The following AP1S3 variants were observed in gnomAD, a reference collection of about 807,000 sequenced individuals.
AP1S3 encodes the protein AP-1 complex subunit sigma-3.
In AP1S3, 10 loss-of-function variants were observed where a neutral mutation model predicts 20.9. The ratio of observed to expected loss-of-function variants is 0.48; its 90% CI spans 0.29 to 0.81. The LOEUF (loss-of-function observed/expected upper bound fraction) is 0.81, where lower values mean the gene tolerates loss of function less well. AP1S3 is among the 30% of genes least tolerant of loss of function. AP1S3 has a pLI of 0.08. For missense variants in AP1S3, 154 were observed against 183.8 expected, an observed-to-expected ratio of 0.84 and a Z score of 0.94; for synonymous variants, 41 against 61.5, an observed-to-expected ratio of 0.67 and a Z score of 1.56.
intron 1 of AP1S3, among the ~76,000 whole-genome samples, chr2:223,794,229 T>A (rs1462893741): frequency 1.3e-5 from 2 of 152,082 alleles, no homozygotes; most frequent in Non-Finnish European, 2.9e-5. Context: ...ATATTCTGGG[T>A]GGAGAATTGC....
chr2:223,810,449 C>T (rs978923400), intron 1 of AP1S3, among the ~76,000 whole-genome samples: 12 of 152,260 alleles, frequency 7.9e-5, no homozygotes, highest in African/African-American at 2.9e-4. Flanking sequence ...GCTGGGACTA[C>T]AGGCATGCGC....
intron 1 of AP1S3, among the ~76,000 whole-genome samples, chr2:223,783,306 C>T (rs11681960): frequency 0.034 from 5,162 of 152,152 alleles, 174 homozygotes; most frequent in East Asian, 0.16. Flanking sequence ...ACCAAGACCT[C>T]CATCCCCACC....
intron 1 of AP1S3, among the ~76,000 whole-genome samples, chr2:223,793,081 G>A (rs1691246332): frequency 6.6e-6 from 1 of 152,178 alleles, no homozygotes. Context: ...AACAGATGCT[G>A]ATGAGGTTGT....
At chr2:223,795,772 T>C (rs557119485) in intron 1 of AP1S3, among the ~76,000 whole-genome samples, 1 of 152,172 alleles carries the variant, frequency 6.6e-6, no homozygotes, top group South Asian at 2.1e-4. Context: ...AAAACAATGA[T>C]AAGGACCTCA....
At chr2:223,809,206 A>G (rs1691658095) in intron 1 of AP1S3, among the ~76,000 whole-genome samples, 1 of 152,120 alleles carries the variant, frequency 6.6e-6, no homozygotes, top group Non-Finnish European at 1.5e-5. Flanking sequence ...CATACTCAAC[A>G]TGCCCCCTCA....
At chr2:223,773,481 C>A in intron 3 of AP1S3, 1 of 971,694 alleles carries the variant, frequency 1.0e-6, no homozygotes, top group African/African-American at 1.7e-5. Flanking sequence ...TGAAAATAAA[C>A]TTGGTATACC....
At chr2:223,792,264 A>C (rs1691230071) in intron 1 of AP1S3, among the ~76,000 whole-genome samples, 1 of 152,164 alleles carries the variant, frequency 6.6e-6, no homozygotes, top group Admixed American at 6.5e-5. Context: ...TACTACTTTG[A>C]GGCTACTATA....
intron 1 of AP1S3, among the ~76,000 whole-genome samples, chr2:223,813,122 T>C (rs1014326705): frequency 3.9e-5 from 6 of 152,056 alleles, no homozygotes; most frequent in African/African-American, 1.4e-4. Context: ...AATTTTTGTA[T>C]TTTCAGTAGA....
In AP1S3 at chr2:223,795,066, A is replaced by G. The variant is rs1691303547; in HGVS notation, c.4-17197T>C. ...GGAGTTGGAGACCAGGCTGACCAAT[A>G]TGGAGAAACCCCATCTCTACTACAA... On this transcript the variant is annotated intron_variant, in intron 1 of 4. Coordinates refer to ENST00000396654, the MANE Select transcript of AP1S3 (RefSeq NM_001039569.2). Among the ~76,000 whole-genome samples, 2 of 152,126 alleles carry G rather than the reference A, an allele frequency of 1.3e-5. 1 individual carries two copies. Among genetic ancestry groups the G allele is most frequent in the African/African-American group, 4.8e-5 (2 of 41,430 alleles).
At chr2:223,815,428 T>C (rs1038445977) in intron 1 of AP1S3, among the ~76,000 whole-genome samples, 1 of 152,162 alleles carries the variant, frequency 6.6e-6, no homozygotes, top group East Asian at 1.9e-4. Flanking sequence ...CCCTAAGTAA[T>C]GATTCTTTAG....
At chr2:223,827,786 G>GGCTA (rs1670428393) in intron 1 of AP1S3, among the ~76,000 whole-genome samples, 1 of 151,906 alleles carries the variant, frequency 6.6e-6, no homozygotes, top group African/African-American at 2.4e-5. Flanking sequence ...AAATAGCCCT[G>GGCTA]GCTAGGCTGG....
At chr2:223,800,506 G>T (rs1691443206) in intron 1 of AP1S3, among the ~76,000 whole-genome samples, 1 of 151,196 alleles carries the variant, frequency 6.6e-6, no homozygotes, top group Non-Finnish European at 1.5e-5. Context: ...CTTCAGTCTG[G>T]TGACAGAGCA....
chr2:223,767,174 AG>A (rs2106080877), intron 3 of AP1S3, among the ~76,000 whole-genome samples: 1 of 152,114 alleles, frequency 6.6e-6, no homozygotes, highest in Non-Finnish European at 1.5e-5. Flanking sequence ...CAGAACTTAA[AG>A]TGTAATTTTA....
chr2:223,775,957 A>C lies in AP1S3; in HGVS notation c.235T>G (p.Leu79Val), dbSNP rs34353588. 811 of 1,614,210 alleles carry C rather than the reference A, an allele frequency of 5.0e-4. 2 individuals carry two copies. The African/African-American group carries it at 9.8e-3, about 20-fold the overall frequency. The change falls in exon 3 of 5, where the codon TTG becomes GTG. Residue 79 changes from leucine to valine, a missense_variant. Transcript: ENST00000396654. ...CAIENQDNELLTLEIVHRYVE... is the reference protein window; with the variant it reads ...CAIENQDNELVTLEIVHRYVE... ...TAACGATGCACAATCTCTAGCGTCA[A>C]GAGCTCATTGTCCTGATTTTCTATT...
chr2:223,780,302 TATATATAG>T (rs1427866358), intron 1 of AP1S3, among the ~76,000 whole-genome samples: 118 of 49,278 alleles, frequency 2.4e-3, no homozygotes, highest in Admixed American at 3.9e-3. Context: ...TATATATATA[TATATATAG>T]AGAGAGAGAG....
intron 1 of AP1S3, among the ~76,000 whole-genome samples, chr2:223,797,504 G>A (rs1691367492): frequency 6.6e-6 from 1 of 152,182 alleles, no homozygotes; most frequent in South Asian, 2.1e-4. Flanking sequence ...GCTCACGCCT[G>A]TAATCCCAGC....
chr2:223,758,219 T>G lies in AP1S3; in HGVS notation c.*496A>C. The stretch of plus-strand genomic sequence containing the variant: ...ATTGCAGTTACAGTACTATTAAGTG[T>G]ATGAAAAATGTCTAGCATTACATAT... On this transcript the variant is annotated 3_prime_UTR_variant, in exon 5 of 5. Coordinates refer to ENST00000396654, the MANE Select transcript of AP1S3 (RefSeq NM_001039569.2). 1 of 980,264 alleles carries G rather than the reference T, an allele frequency of 1.0e-6. No homozygotes were observed. Among genetic ancestry groups the G allele is most frequent in the Non-Finnish European group, 1.2e-6 (1 of 824,788 alleles). The allele number at this position is 980,264 out of a possible 1,614,324, so 60.7% of individuals were successfully genotyped here.
intron 3 of AP1S3, among the ~76,000 whole-genome samples, chr2:223,774,583 G>C (rs529401770): frequency 4.6e-5 from 7 of 151,970 alleles, no homozygotes; most frequent in African/African-American, 1.7e-4. Flanking sequence ...TAGGGCAAGA[G>C]GGCGAACAGA....
intron 1 of AP1S3, among the ~76,000 whole-genome samples, chr2:223,834,816 A>T (rs1041145813): frequency 6.6e-6 from 1 of 152,116 alleles, no homozygotes; most frequent in Non-Finnish European, 1.5e-5. Context: ...CATAAATAAC[A>T]TTTTTATGAC....
Sources: allele counts gnomAD v4.1 joint callset (sites outside exome capture counted in the v4.1 genomes callset), GRCh38; gene constraint gnomAD v4.1.1; transcripts MANE v1.5; gene names NCBI Gene and HGNC (gene_info 2026-07-23, HGNC 2026-07-21).